The following ADAMTSL1 variants were observed in gnomAD, a reference collection of about 807,000 sequenced individuals.
ADAMTSL1 encodes ADAMTS-like protein 1.
In ADAMTSL1, 126 loss-of-function variants were observed where a neutral mutation model predicts 201.8. That is an observed-to-expected ratio of 0.62 (90% CI 0.54 to 0.72). The LOEUF (loss-of-function observed/expected upper bound fraction) is 0.72, where lower values mean the gene tolerates loss of function less well. Ranked by LOEUF, ADAMTSL1 falls within the 30% of genes least tolerant of loss-of-function variation. ADAMTSL1 has a pLI of 0.00. For synonymous variants in ADAMTSL1, 1,121 were observed against 903.4 expected, an observed-to-expected ratio of 1.24 and a Z score of -4.32; for missense variants, 2,679 against 2,277.8, an observed-to-expected ratio of 1.18 and a Z score of -3.59.
chr9:18,802,730 G>A (rs1009810645), intron 20 of ADAMTSL1, among the ~76,000 whole-genome samples: 1 of 152,170 alleles, frequency 6.6e-6, no homozygotes, highest in Non-Finnish European at 1.5e-5. Flanking sequence ...ACACCTAGGA[G>A]TGAAATTTCT....
In ADAMTSL1 at chr9:18,731,352, T is replaced by C. The variant is rs191589867; in HGVS notation, c.2006+9687T>C. On this transcript the variant is annotated intron_variant, in intron 15 of 28. Coordinates refer to ENST00000380548, the MANE Select transcript of ADAMTSL1 (RefSeq NM_001040272.6). ...GGTAATTTATAAAGAGAAGAGGCACTGGGTGTAGTGGCTCATGTCTATAAT... is the reference window on the plus strand; with the variant it reads ...GGTAATTTATAAAGAGAAGAGGCACCGGGTGTAGTGGCTCATGTCTATAAT... Among the ~76,000 whole-genome samples, 1,474 of 152,288 alleles carry C rather than the reference T, an allele frequency of 9.7e-3. 13 individuals are homozygous for C. Among genetic ancestry groups the C allele is most frequent in the Middle Eastern group, 0.02 (6 of 294 alleles).
chr9:18,735,163 AAG>A (rs1161784236), intron 15 of ADAMTSL1, among the ~76,000 whole-genome samples: 2 of 152,214 alleles, frequency 1.3e-5, no homozygotes, highest in African/African-American at 4.8e-5. Flanking sequence ...AGAGACCAAG[AAG>A]ACAGGGAAAT....
intron 3 of ADAMTSL1, among the ~76,000 whole-genome samples, chr9:18,547,588 G>A (rs1045723688): frequency 7.1e-6 from 1 of 140,220 alleles, no homozygotes; most frequent in Non-Finnish European, 1.5e-5. Flanking sequence ...GATGTCAGGA[G>A]TTTCGAGGAG....
At chr9:18,229,714 A>G (rs1469917398) in intron 2 of ADAMTSL1, among the ~76,000 whole-genome samples, 1 of 145,824 alleles carries the variant, frequency 6.9e-6, no homozygotes, top group Non-Finnish European at 1.5e-5. Context: ...TTTTTTTTTG[A>G]TATGGAATTT....
chr9:18,534,327 A>G (rs1038933517), intron 3 of ADAMTSL1, among the ~76,000 whole-genome samples: 2 of 152,096 alleles, frequency 1.3e-5, no homozygotes, highest in Non-Finnish European at 2.9e-5. Flanking sequence ...CCAGGAGTTC[A>G]AGACCATCCT....
chr9:18,219,836 G>C (rs368301653), intron 2 of ADAMTSL1, among the ~76,000 whole-genome samples: 1 of 152,072 alleles, frequency 6.6e-6, no homozygotes, highest in East Asian at 1.9e-4. Context: ...GGATACAACT[G>C]ATATCAAGTG....
intron 1 of ADAMTSL1, among the ~76,000 whole-genome samples, chr9:18,088,142 A>G (rs969490106): frequency 1.6e-4 from 24 of 152,206 alleles, no homozygotes; most frequent in African/African-American, 5.3e-4. Flanking sequence ...AAAACACACA[A>G]TGGGGAAAGG....
chr9:18,024,961 G>A (rs1222156592), intron 1 of ADAMTSL1, among the ~76,000 whole-genome samples: 1 of 151,980 alleles, frequency 6.6e-6, no homozygotes, highest in Non-Finnish European at 1.5e-5. Context: ...TAGCCATTCT[G>A]ACTGCTGTTA....
intron 2 of ADAMTSL1, among the ~76,000 whole-genome samples, chr9:18,221,737 A>C (rs1359354389): frequency 6.6e-6 from 1 of 152,052 alleles, no homozygotes; most frequent in Non-Finnish European, 1.5e-5. Context: ...GGCCTTGTAC[A>C]TTGTCAACTG....
At chr9:18,750,703 T>C (rs188247557) in intron 15 of ADAMTSL1, among the ~76,000 whole-genome samples, 2 of 152,308 alleles carry the variant, frequency 1.3e-5, no homozygotes, top group Admixed American at 6.5e-5. Context: ...ACAATAAACA[T>C]TGATCACCTC....
intron 14 of ADAMTSL1, among the ~76,000 whole-genome samples, chr9:18,715,551 A>G (rs9407932): frequency 0.26 from 39,444 of 151,312 alleles, 5,617 homozygotes; most frequent in Middle Eastern, 0.33. Context: ...ACCTCTTCAA[A>G]GAGAACTACA....
rs528746554 is a variant in ADAMTSL1, at chr9:18,507,327, A to G, written c.191+2371A>G. 2.0e-5 allele frequency among the ~76,000 whole-genome samples: 3 copies of G among 152,322 alleles called. No individual in the cohort carries two copies. In the South Asian group the frequency reaches 6.2e-4, roughly 32 times the overall value. ...TCTTACAGCTACAGATTTTAAAAGG[A>G]GCAAAACTAAGACTGAGTTAATCCC... On this transcript the variant is annotated intron_variant, in intron 2 of 28. Coordinates refer to ENST00000380548, the MANE Select transcript of ADAMTSL1 (RefSeq NM_001040272.6).
intron 4 of ADAMTSL1, among the ~76,000 whole-genome samples, chr9:18,583,278 G>A (rs970686283): frequency 7.2e-5 from 11 of 152,224 alleles, no homozygotes; most frequent in Non-Finnish European, 1.5e-4. Flanking sequence ...AGCCATGGCT[G>A]AAAGGGGTCA....
chr9:18,402,869 G>A (rs981787800), intron 2 of ADAMTSL1, among the ~76,000 whole-genome samples: 1 of 152,098 alleles, frequency 6.6e-6, no homozygotes, highest in Non-Finnish European at 1.5e-5. Flanking sequence ...AAGAATTGTT[G>A]CTGCTATTGC....
At chr9:18,311,182 C>T (rs1257019329) in intron 2 of ADAMTSL1, among the ~76,000 whole-genome samples, 6 of 151,494 alleles carry the variant, frequency 4.0e-5, no homozygotes, top group Non-Finnish European at 8.8e-5. Flanking sequence ...GGGAGGGGAA[C>T]ATCACATACT....
intron 1 of ADAMTSL1, among the ~76,000 whole-genome samples, chr9:17,955,973 T>A (rs952479238): frequency 4.6e-5 from 7 of 152,178 alleles, no homozygotes; most frequent in East Asian, 1.9e-4. Flanking sequence ...ACACATTTTT[T>A]AAAACAAATC....
intron 7 of ADAMTSL1, among the ~76,000 whole-genome samples, chr9:18,650,380 C>T (rs547159222): frequency 6.6e-6 from 1 of 152,168 alleles, no homozygotes; most frequent in Non-Finnish European, 1.5e-5. Context: ...TCGGCTCGTG[C>T]ACAGCGCGCT....
At chr9:18,416,469 TAGAG>T (rs1177237346) in intron 2 of ADAMTSL1, among the ~76,000 whole-genome samples, 2 of 151,996 alleles carry the variant, frequency 1.3e-5, no homozygotes, top group African/African-American at 4.8e-5. Context: ...AATTGAAAGA[TAGAG>T]ATTGTCAGAT....
At chr9:18,478,285 G>T (rs966011234) in intron 1 of ADAMTSL1, among the ~76,000 whole-genome samples, 2 of 152,026 alleles carry the variant, frequency 1.3e-5, no homozygotes, top group African/African-American at 4.8e-5. Context: ...TTTGCTTGGG[G>T]ATTATATTAG....
Sources: gnomAD v4.1 joint callset for allele counts (sites outside exome capture counted in the v4.1 genomes callset) on GRCh38, gnomAD v4.1.1 for gene constraint, MANE v1.5 for transcripts, NCBI Gene and HGNC (gene_info 2026-07-23, HGNC 2026-07-21) for gene names.